Variants in KIF26B observed in about 807,000 individuals in gnomAD.
KIF26B encodes the protein kinesin-like protein KIF26B.
In KIF26B, 63 loss-of-function variants were observed where a neutral mutation model predicts 151.2. The ratio of observed to expected loss-of-function variants is 0.42; its 90% CI spans 0.34 to 0.51. The LOEUF (loss-of-function observed/expected upper bound fraction) is 0.51, where lower values mean the gene tolerates loss of function less well. Ranked by LOEUF, KIF26B falls within the 20% of genes least tolerant of loss-of-function variation. The probability of loss-of-function intolerance (pLI) is 0.07; values close to 1 mark genes in which losing one functional copy is unlikely to be tolerated. For missense variants in KIF26B, 2,813 were observed against 2,913.6 expected, an observed-to-expected ratio of 0.97 and a Z score of 0.79; for synonymous variants, 1,357 against 1,262.1, an observed-to-expected ratio of 1.08 and a Z score of -1.59.
intron 2 of KIF26B, among the ~76,000 whole-genome samples, chr1:245,171,339 C>G (rs535713237): frequency 6.6e-6 from 1 of 152,120 alleles, no homozygotes; most frequent in Non-Finnish European, 1.5e-5. Flanking sequence ...GTCGGGAGTT[C>G]GAAACCAGCC....
At chr1:245,541,067 G>A in intron 5 of KIF26B, 117 bp downstream of exon 5, 2 of 834,042 alleles carry the variant, frequency 2.4e-6, no homozygotes, top group Non-Finnish European at 3.6e-6. Flanking sequence ...AGGGAGAAAA[G>A]GAGGCAAGAT....
chr1:245,351,826 T>A (rs1230716180), intron 2 of KIF26B, among the ~76,000 whole-genome samples: 6 of 152,208 alleles, frequency 3.9e-5, no homozygotes, highest in Admixed American at 1.3e-4. Context: ...CAGCTTGTTT[T>A]GTAATACACC....
intron 9 of KIF26B, among the ~76,000 whole-genome samples, chr1:245,633,613 T>C (rs1324299530): frequency 1.3e-5 from 2 of 152,216 alleles, no homozygotes; most frequent in African/African-American, 4.8e-5. Flanking sequence ...CAAGCATTTC[T>C]CACAGGGCCT....
Position 245,698,084 on chromosome 1 carries a change from CTG to C in KIF26B, c.5825-21_5825-20del. On this transcript the variant is annotated intron_variant, in intron 12 of 14. Coordinates refer to ENST00000407071, the MANE Select transcript of KIF26B (RefSeq NM_018012.4). The surrounding 1 kb of genome is among the most constrained non-coding windows in gnomAD (Gnocchi z 4.0). ...ATTGAAATTCAGAAAGACTAACTCT[CTG>C]GGCTTATCCCCCTCCTCAGGTTCTC... The C allele has an allele frequency of 1.2e-6, 2 of 1,601,812 alleles. No homozygotes were observed. The highest frequency in any genetic ancestry group is 1.7e-6 in the Non-Finnish European group (2 of 1,173,456).
At chr1:245,180,134 C>T (rs1420003006) in intron 2 of KIF26B, among the ~76,000 whole-genome samples, 1 of 152,242 alleles carries the variant, frequency 6.6e-6, no homozygotes, top group Non-Finnish European at 1.5e-5. Flanking sequence ...AAAGAAGTAT[C>T]AGAGATATTT....
rs975369934 is a variant in KIF26B, at chr1:245,706,579, C to A, written c.*3973C>A. ...TGTTCTTTCCTGCTGGACTAGTAACCCATTCTTGGAGCACACACAGAGTCC... is the reference window on the plus strand; with the variant it reads ...TGTTCTTTCCTGCTGGACTAGTAACACATTCTTGGAGCACACACAGAGTCC... On this transcript the variant is annotated 3_prime_UTR_variant, in exon 15 of 15. Transcript: ENST00000407071. The A allele has an allele frequency of 6.6e-6, 1 of 152,192 alleles. No individual in the cohort carries two copies. Among genetic ancestry groups the A allele is most frequent in the African/African-American group, 2.4e-5 (1 of 41,438 alleles). 9.4% of individuals were successfully genotyped at this position (152,192 alleles called of 1,614,324 possible).
chr1:245,305,983 C>T (rs1304442979), intron 2 of KIF26B, among the ~76,000 whole-genome samples: 3 of 150,766 alleles, frequency 2.0e-5, no homozygotes, highest in Non-Finnish European at 3.0e-5. Context: ...AACGATATAG[C>T]CCCTGTGGAA....
intron 12 of KIF26B, among the ~76,000 whole-genome samples, chr1:245,696,429 C>T (rs749342159): frequency 1.2e-4 from 18 of 152,290 alleles, no homozygotes; most frequent in South Asian, 2.1e-4. Context: ...CCTGCGACTC[C>T]GAGAGGCTCT....
chr1:245,487,675 A>G (rs954419340), intron 4 of KIF26B, among the ~76,000 whole-genome samples: 2 of 151,674 alleles, frequency 1.3e-5, no homozygotes, highest in African/African-American at 4.9e-5. Context: ...ATCTCAGCTC[A>G]CTGCAGCCTG....
chr1:245,656,950 C>T (rs935923287), intron 10 of KIF26B, among the ~76,000 whole-genome samples: 4 of 152,086 alleles, frequency 2.6e-5, no homozygotes, highest in Non-Finnish European at 5.9e-5. Context: ...AATTTTGTAA[C>T]TAAAACAGAG....
chr1:245,495,072 A>C lies in KIF26B; in HGVS notation c.1167-45695A>C, dbSNP rs1435845216. Among the ~76,000 whole-genome samples, 1 of 152,156 alleles carries C rather than the reference A, an allele frequency of 6.6e-6. No homozygotes were observed. The highest frequency in any genetic ancestry group is 1.5e-5 in the Non-Finnish European group (1 of 68,036). On this transcript the variant is annotated intron_variant, in intron 4 of 14. Transcript: ENST00000407071. The surrounding 1 kb of genome is among the most constrained non-coding windows in gnomAD (Gnocchi z 4.2). ...AAGAAATAAAGAAAAGAAAAGAAAG[A>C]GGAAATTCTGGAACTTAAAAAATGA... is the stretch of plus-strand genomic sequence containing the variant.
At chr1:245,436,133 C>T (rs537993357) in intron 4 of KIF26B, among the ~76,000 whole-genome samples, 11 of 150,816 alleles carry the variant, frequency 7.3e-5, no homozygotes, top group Admixed American at 6.0e-4. Flanking sequence ...GCTGAGATTG[C>T]GTCACTGCAC....
intron 3 of KIF26B, among the ~76,000 whole-genome samples, chr1:245,369,609 A>G (rs1673059341): frequency 6.6e-6 from 1 of 152,184 alleles, no homozygotes; most frequent in African/African-American, 2.4e-5. Flanking sequence ...TTCCTTTTAC[A>G]GTTAAGGAAT....
chr1:245,659,807 G>A (rs2044114740), intron 10 of KIF26B, among the ~76,000 whole-genome samples: 1 of 152,004 alleles, frequency 6.6e-6, no homozygotes, highest in Non-Finnish European at 1.5e-5. Flanking sequence ...GAGAGCCCAA[G>A]GAGGGCGGAT....
intron 4 of KIF26B, among the ~76,000 whole-genome samples, chr1:245,446,134 G>A (rs1171088397): frequency 2.0e-5 from 3 of 152,316 alleles, no homozygotes; most frequent in African/African-American, 7.2e-5. Context: ...GCTATATGAT[G>A]TAGCGTATTC....
chr1:245,566,669 C>T (rs980015094), intron 5 of KIF26B, among the ~76,000 whole-genome samples: 2 of 152,210 alleles, frequency 1.3e-5, no homozygotes, highest in African/African-American at 2.4e-5. Context: ...GTGGCTCACA[C>T]TTGTAATCCC....
chr1:245,253,830 A>G (rs1392842930), intron 2 of KIF26B, among the ~76,000 whole-genome samples: 1 of 119,050 alleles, frequency 8.4e-6, no homozygotes, highest in African/African-American at 3.3e-5. Context: ...TTTTTTTTGA[A>G]ACAGAGTCTC....
At chr1:245,435,019 C>CCATCCA (rs60048247) in intron 4 of KIF26B, among the ~76,000 whole-genome samples, 1 of 142,258 alleles carries the variant, frequency 7.0e-6, no homozygotes, top group Non-Finnish European at 1.6e-5. Context: ...ATCCATCCAT[C>CCATCCA]TCTCCATCCA....
At chr1:245,653,501 T>C (rs1372076096) in intron 10 of KIF26B, among the ~76,000 whole-genome samples, 1 of 152,152 alleles carries the variant, frequency 6.6e-6, no homozygotes, top group Admixed American at 6.5e-5. Context: ...GCCTTATGGA[T>C]ATTTCATTCT....
Sources: allele counts gnomAD v4.1 joint callset (sites outside exome capture counted in the v4.1 genomes callset), GRCh38; gene constraint gnomAD v4.1.1; non-coding constraint Gnocchi (gnomAD v3.1); transcripts MANE v1.5; gene names NCBI Gene and HGNC (gene_info 2026-07-23, HGNC 2026-07-21).